Variants in CSMD2 observed in about 807,000 individuals in gnomAD.
CSMD2 encodes the protein CUB and sushi domain-containing protein 2.
Under a neutral mutation model 398.5 loss-of-function variants are expected in CSMD2, and 130 were observed. The observed-to-expected ratio is 0.33, with a 90% CI of 0.28 to 0.38. The LOEUF is 0.38. Among genes scored for constraint, CSMD2 ranks in the 10% least tolerant of loss-of-function variants. The pLI, the probability that CSMD2 is intolerant of heterozygous loss-of-function variation, is 1.00. For missense variants in CSMD2, 3,829 were observed against 4,764.9 expected, an observed-to-expected ratio of 0.80 and a Z score of 5.78; for synonymous variants, 1,828 against 1,908.5, an observed-to-expected ratio of 0.96 and a Z score of 1.10.
chr1:33,762,525 TGGACCA>T (rs3078783), intron 13 of CSMD2, among the ~76,000 whole-genome samples: 3,573 of 152,256 alleles, frequency 0.023, 157 homozygotes, highest in African/African-American at 0.083. Flanking sequence ...TAATATACCT[TGGACCA>T]GGACTCTTAG....
In CSMD2 at chr1:33,537,426, G is replaced by A. The variant is rs760600415; in HGVS notation, c.9805+10C>T. ...AGCCAAGACGCTCCCTGCTCCAGAT[G>A]ACCTCTCACCTATGCAGCTGGGCTG... On this transcript the variant is annotated intron_variant, in intron 61 of 70. Transcript: ENST00000373381. This position sits in a 1 kb window ranked among gnomAD's most constrained non-coding sequence, Gnocchi z 4.6. 1.9e-6 allele frequency: 3 copies of A among 1,601,174 alleles called. No individual in the cohort carries two copies. Among genetic ancestry groups the A allele is most frequent in the Non-Finnish European group, 2.6e-6 (3 of 1,172,570 alleles).
At chr1:33,941,384 T>C (rs893987963) in intron 3 of CSMD2, among the ~76,000 whole-genome samples, 1 of 152,216 alleles carries the variant, frequency 6.6e-6, no homozygotes, top group Admixed American at 6.5e-5. Context: ...TATGTTTTGA[T>C]TTCTTCTCTT....
intron 5 of CSMD2, among the ~76,000 whole-genome samples, chr1:33,900,711 C>G (rs1642692207): frequency 6.6e-6 from 1 of 151,052 alleles, no homozygotes; most frequent in Non-Finnish European, 1.5e-5. Context: ...ACCCGGGAGG[C>G]AGAGGTTGCA....
chr1:34,043,354 G>A (rs1652093030), intron 2 of CSMD2, among the ~76,000 whole-genome samples: 1 of 152,104 alleles, frequency 6.6e-6, no homozygotes, highest in Non-Finnish European at 1.5e-5. Flanking sequence ...CCCTGCATTA[G>A]CTTTTCAGGG....
At chr1:33,806,102 T>C (rs895673699) in intron 10 of CSMD2, among the ~76,000 whole-genome samples, 1 of 152,100 alleles carries the variant, frequency 6.6e-6, no homozygotes, top group African/African-American at 2.4e-5. Flanking sequence ...CCCAGCACAA[T>C]GGTGACTGTA....
At chr1:33,756,654 T>A (rs1032440478) in intron 13 of CSMD2, among the ~76,000 whole-genome samples, 1 of 152,056 alleles carries the variant, frequency 6.6e-6, no homozygotes, top group African/African-American at 2.4e-5. Context: ...AGAAGCAGGG[T>A]GACAGATGGA....
chr1:33,769,099 T>G (rs1650927419), intron 13 of CSMD2, among the ~76,000 whole-genome samples: 1 of 152,232 alleles, frequency 6.6e-6, no homozygotes, highest in African/African-American at 2.4e-5. Flanking sequence ...TCAAGTATTG[T>G]GCAAACCACC....
rs1261677893 is a variant in CSMD2 at position 33,633,085 on chromosome 1, C to T, written c.5200+337G>A. Among the ~76,000 whole-genome samples, 1 of 152,084 alleles carries T rather than the reference C, an allele frequency of 6.6e-6. No homozygotes were observed. The highest frequency in any genetic ancestry group is 1.9e-4 in the East Asian group (1 of 5,196). On this transcript the variant is annotated intron_variant, in intron 32 of 70. Coordinates refer to ENST00000373381, the MANE Select transcript of CSMD2 (RefSeq NM_001281956.2). This position sits in a 1 kb window ranked among gnomAD's most constrained non-coding sequence, Gnocchi z 5.0. ...GTAGTCTTTATTTTGATTCTGTATG[C>T]AATTATTTTGTTTTGTCACTAAGTT...
rs1255732641 is a variant in CSMD2, at chr1:33,514,812, G to T, written c.*1812C>A. The T allele has an allele frequency of 6.6e-6, 1 of 152,172 alleles. No homozygotes were observed. Among genetic ancestry groups the T allele is most frequent in the Non-Finnish European group, 1.5e-5 (1 of 68,076 alleles). The allele number at this position is 152,172 out of a possible 1,614,324, so 9.4% of individuals were successfully genotyped here. On this transcript the variant is annotated 3_prime_UTR_variant, in exon 71 of 71. Transcript: ENST00000373381. ...CCAGAGGTGGTGTGGCCAGGGGTAG[G>T]CTCCTGCCTCTGTCAGCCTCCATTG...
chr1:34,076,928 A>AAAAAAAAAAAAAAAAAAATATAT (rs1232288848), intron 2 of CSMD2, among the ~76,000 whole-genome samples: 1 of 53,600 alleles, frequency 1.9e-5, no homozygotes, highest in African/African-American at 8.6e-5. Flanking sequence ...AAAAAAAAAA[A>AAAAAAAAAAAAAAAAAAATATAT]ATATATATAT....
At chr1:33,722,827 C>T (rs1382116930) in intron 19 of CSMD2, among the ~76,000 whole-genome samples, 1 of 151,742 alleles carries the variant, frequency 6.6e-6, no homozygotes, top group African/African-American at 2.4e-5. Context: ...CTTTAAAGTA[C>T]GTGCCCACCT....
chr1:34,095,125 A>G (rs1659125393), intron 1 of CSMD2, among the ~76,000 whole-genome samples: 1 of 112,942 alleles, frequency 8.9e-6, no homozygotes, highest in Non-Finnish European at 1.8e-5. Flanking sequence ...CCGCTCAACT[A>G]CATGGAAACT....
At chr1:33,534,166 A>T (rs1655539607) in intron 62 of CSMD2, among the ~76,000 whole-genome samples, 1 of 152,178 alleles carries the variant, frequency 6.6e-6, no homozygotes. Flanking sequence ...ATTCAGAGTC[A>T]GAAGACCCTG....
intron 3 of CSMD2, among the ~76,000 whole-genome samples, chr1:33,975,486 T>TACACAC (rs57095754): frequency 0.015 from 2,164 of 146,436 alleles, 30 homozygotes; most frequent in East Asian, 0.066. Flanking sequence ...CTCCCAAGTG[T>TACACAC]ACACACACAC....
chr1:33,519,913 G>A lies in CSMD2; in HGVS notation c.10635C>T (p.Gly3545=). ...AGCTGCTGTTGGAAGCAAAGTGGCG[G>A]CCAATGGACTCGGGGTCTGACTCCA... ...RLLESDPESI[G]RHFASNSSSV... The change falls in exon 69 of 71, where the codon GGC becomes GGT. Residue 3545 remains glycine, a synonymous_variant. Coordinates refer to ENST00000373381, the MANE Select transcript of CSMD2 (RefSeq NM_001281956.2). This position sits in a 1 kb window ranked among gnomAD's most constrained non-coding sequence, Gnocchi z 5.6. 6.2e-7 allele frequency: 1 copy of A among 1,614,184 alleles called. No homozygotes were observed. Among genetic ancestry groups the A allele is most frequent in the Non-Finnish European group, 8.5e-7 (1 of 1,180,026 alleles).
intron 13 of CSMD2, among the ~76,000 whole-genome samples, chr1:33,762,449 C>T (rs1649945967): frequency 6.6e-6 from 1 of 152,206 alleles, no homozygotes; most frequent in Admixed American, 6.5e-5. Context: ...GGTCACAGCC[C>T]AGGATTAGAC....
intron 19 of CSMD2, among the ~76,000 whole-genome samples, chr1:33,719,289 G>A (rs996109511): frequency 1.3e-5 from 2 of 152,174 alleles, no homozygotes; most frequent in African/African-American, 2.4e-5. Context: ...GGTGGAGAGC[G>A]GGTGAGACCC....
intron 37 of CSMD2, among the ~76,000 whole-genome samples, chr1:33,619,161 G>A (rs1641592960): frequency 6.6e-6 from 1 of 152,254 alleles, no homozygotes; most frequent in Non-Finnish European, 1.5e-5. Flanking sequence ...AGACTCATGA[G>A]GAGGCGGAGA....
Position 33,537,326 on chromosome 1 carries a change from T to C in CSMD2, c.9805+110A>G, listed in dbSNP as rs1036016475. Reference sequence around the variant, plus strand: ...AAGCTCAGAGGATGAGATGTTCCCTTTTGCAGATGAGACCACTGAAGACAG... The same window carrying C: ...AAGCTCAGAGGATGAGATGTTCCCTCTTGCAGATGAGACCACTGAAGACAG... On this transcript the variant is annotated intron_variant, in intron 61 of 70. Transcript: ENST00000373381. The surrounding 1 kb of genome is among the most constrained non-coding windows in gnomAD (Gnocchi z 4.6). The C allele has an allele frequency of 1.4e-5, 18 of 1,266,374 alleles. No homozygotes were observed. The highest frequency in any genetic ancestry group is 2.8e-4 in the Middle Eastern group (1 of 3,608). The allele number at this position is 1,266,374 out of a possible 1,614,324, so 78.4% of individuals were successfully genotyped here. A position where few individuals can be genotyped will look rare whatever the true frequency, so the allele number is the denominator to read the frequency against.
Sources: gnomAD v4.1 joint callset for allele counts (sites outside exome capture counted in the v4.1 genomes callset) on GRCh38, gnomAD v4.1.1 for gene constraint, Gnocchi (gnomAD v3.1) non-coding constraint, MANE v1.5 for transcripts, NCBI Gene and HGNC (gene_info 2026-07-23, HGNC 2026-07-21) for gene names.